PIGO: variants seen among roughly 807,000 people sequenced by gnomAD.
PIGO encodes phosphatidylinositol glycan anchor biosynthesis class O, also known as GPI ethanolamine phosphate transferase 3, catalytic subunit.
In PIGO, 66 loss-of-function variants were observed where a neutral mutation model predicts 86.9. The observed-to-expected ratio is 0.76, with a 90% CI of 0.62 to 0.93. PIGO has a LOEUF of 0.93. Among genes scored for constraint, PIGO ranks in the 40% least tolerant of loss-of-function variants. PIGO has a pLI of 0.00. For synonymous variants in PIGO, 570 were observed against 556.4 expected, an observed-to-expected ratio of 1.02 and a Z score of -0.34; for missense variants, 1,202 against 1,359.1, an observed-to-expected ratio of 0.88 and a Z score of 1.82.
intron 6 of PIGO, 75 bp downstream of exon 6, chr9:35,092,955 C>T: frequency 1.3e-6 from 2 of 1,506,490 alleles, no homozygotes; most frequent in Non-Finnish European, 1.8e-6. Flanking sequence ...AGTCAAAGGA[C>T]AAAAGAGTGG....
In PIGO at chr9:35,090,277, C is replaced by T. The variant is rs761568429; in HGVS notation, c.2858G>A (p.Gly953Asp). 1.9e-6 allele frequency: 3 copies of T among 1,613,190 alleles called. No homozygotes were observed. The highest frequency in any genetic ancestry group is 2.5e-6 in the Non-Finnish European group (3 of 1,179,386). ...TFASHLLFAV[G>D]CPLLLLWPFL... ...AGGCCAGAGCAGGAGCAGTGGGCAA[C>T]CTACTGCCTCAAGAGAGGGTATGGC... The change falls in exon 9 of 11, where the codon GGT becomes GAT. Residue 953 changes from glycine to aspartate, a missense_variant. Physicochemically the swap from Gly to Asp is moderately conservative, Grantham distance 94. Coordinates refer to ENST00000378617, the MANE Select transcript of PIGO (RefSeq NM_032634.4).
Position 35,095,476 on chromosome 9 carries a change from G to C in PIGO, c.90C>G (p.Leu30=). 6.2e-7 allele frequency: 1 copy of C among 1,613,470 alleles called. No individual in the cohort carries two copies. Among genetic ancestry groups the C allele is most frequent in the East Asian group, 2.2e-5 (1 of 44,870 alleles). ...GIALFTSGFL[L]TRLELTNHSS... ...TATGGTTGGTGAGCTCCAAACGGGT[G>C]AGCAGGAAGCCACTGGTGAAGAGGG... The change falls in exon 2 of 11, where the codon CTC becomes CTG. Residue 30 remains leucine, a synonymous_variant. Coordinates refer to ENST00000378617, the MANE Select transcript of PIGO (RefSeq NM_032634.4).
intron 8 of PIGO, 51 bp from the exon 9 acceptor site, chr9:35,090,331 C>T (rs781329027): frequency 1.3e-6 from 2 of 1,592,506 alleles, no homozygotes; most frequent in Admixed American, 3.4e-5. Flanking sequence ...CTGGCTGGCT[C>T]AGGTTCCAAT....
chr9:35,094,965 A>T (rs892953798), intron 2 of PIGO, 90 bp downstream of exon 2: 183 of 1,485,132 alleles, frequency 1.2e-4, no homozygotes, highest in Non-Finnish European at 1.6e-4. Flanking sequence ...TCAAGTGTGC[A>T]TCTGGGCACC....
chr9:35,095,534 G>A lies in PIGO; in HGVS notation c.32C>T (p.Ala11Val). 4 of 1,595,020 alleles carry A rather than the reference G, an allele frequency of 2.5e-6. No homozygotes were observed. The highest frequency in any genetic ancestry group is 3.4e-6 in the Non-Finnish European group (4 of 1,170,302). Residue 11 changes from alanine (A) to valine (V), a missense_variant, in exon 2 of 11, where the codon GCC (alanine) becomes GTC (valine). Physicochemically the swap from Ala to Val is moderately conservative, Grantham distance 64. Coordinates refer to ENST00000378617, the MANE Select transcript of PIGO (RefSeq NM_032634.4). MQKASVLLFL[A>V]WVCFLFYAGI... ...AGCGTAGAAGAGGAAGCAGACCCAG[G>A]CCAGGAAGAGCAACACTGAGGCTTT...
rs1386825877 is a variant in PIGO at position 35,092,293 on chromosome 9, C to A, written c.1594G>T (p.Gly532Cys). 1.9e-6 allele frequency: 3 copies of A among 1,614,226 alleles called. No homozygotes were observed. Among genetic ancestry groups the A allele is most frequent in the Non-Finnish European group, 2.5e-6 (3 of 1,180,042 alleles). The change falls in exon 7 of 11, where the codon GGC (glycine) becomes TGC (cysteine). Residue 532 changes from glycine to cysteine, a missense_variant. Gly to Cys is a radical substitution (Grantham distance 159, BLOSUM62 -3). Transcript: ENST00000378617. Reference protein sequence around the residue: ...FLPFLWKAWAGWGSKRPLATL... With the variant: ...FLPFLWKAWACWGSKRPLATL... ...GCCAGGGGCCTCTTGGACCCCCAGC[C>A]AGCCCAGGCTTTCCACAGAAAAGGG...
Position 35,095,442 on chromosome 9 carries a change from G to A in PIGO, c.124C>T (p.Gln42Ter). Residue 42 changes from glutamine to a stop codon, truncating the protein, a stop_gained, in exon 2 of 11, where the codon CAA becomes TAA. Coordinates refer to ENST00000378617, the MANE Select transcript of PIGO (RefSeq NM_032634.4). LOFTEE classifies it high-confidence loss of function. ...AGGGACCCAGGGCCTGGGGGCTCTT[G>A]GCAGCTGCTATGGTTGGTGAGCTCC... Reference protein sequence around the residue: ...RLELTNHSSCQEPPGPGSLPW... With the variant: ...RLELTNHSSC 6.2e-7 allele frequency: 1 copy of A among 1,614,028 alleles called. No homozygotes were observed.
rs746278417 is a variant in PIGO at position 35,092,563 on chromosome 9, A to G, written c.1324T>C (p.Ser442Pro). The G allele has an allele frequency of 6.2e-7, 1 of 1,614,120 alleles. No individual in the cohort carries two copies. Among genetic ancestry groups the G allele is most frequent in the Non-Finnish European group, 8.5e-7 (1 of 1,180,002 alleles). ...CGGACCAGAGAGAAACGAGCCCAAG[A>G]CTCGATGCACATGGCCCGAGCTCCC... ...LRGARAMCIESWARFSLVRMA... is the reference protein window; with the variant it reads ...LRGARAMCIEPWARFSLVRMA... Residue 442 changes from serine (S) to proline (P), a missense_variant, in exon 7 of 11, where the codon TCT (serine) becomes CCT (proline). Ser to Pro is a moderately conservative substitution (Grantham distance 74). Transcript: ENST00000378617.
chr9:35,090,755 T>C, intron 7 of PIGO, 83 bp from the exon 8 acceptor site: 2 of 1,312,398 alleles, frequency 1.5e-6, no homozygotes, highest in South Asian at 1.4e-5. Context: ...ATACTCCTAC[T>C]ACTTCAGTAT....
Position 35,095,364 on chromosome 9 carries a change from A to G in PIGO, c.202T>C (p.Ser68Pro). The change falls in exon 2 of 11, where the codon TCG becomes CCG. Residue 68 changes from serine to proline, a missense_variant. Coordinates refer to ENST00000378617, the MANE Select transcript of PIGO (RefSeq NM_032634.4). ...PGACWMASRF[S>P]RVVLVLIDAL... ...TCTATCAGCACCAACACAACCCGCG[A>G]AAATCGGGAAGCCATCCAGCAGGCC... 1.2e-6 allele frequency: 2 copies of G among 1,614,106 alleles called. No homozygotes were observed. The highest frequency in any genetic ancestry group is 1.7e-6 in the Non-Finnish European group (2 of 1,180,014).
In PIGO at chr9:35,091,971, T is replaced by C. The variant is rs1829444705; in HGVS notation, c.1916A>G (p.His639Arg). The C allele has an allele frequency of 6.2e-7, 1 of 1,614,020 alleles. No individual in the cohort carries two copies. Among genetic ancestry groups the C allele is most frequent in the Admixed American group, 1.7e-5 (1 of 60,010 alleles). The change falls in exon 7 of 11, where the codon CAT (histidine) becomes CGT (arginine). Residue 639 changes from histidine (H) to arginine (R), a missense_variant. Transcript: ENST00000378617. ...AACAGGTGTCTCTTCAGGGCAACGA[T>C]GAAAAAGCCCAGCTAGCCTTGTACA... ...LLCTRLAGLFHRCPEETPVCH... is the reference protein window; with the variant it reads ...LLCTRLAGLFRRCPEETPVCH...
chr9:35,089,558 C>G, intron 9 of PIGO, 108 bp from the exon 10 acceptor site: 2 of 1,548,248 alleles, frequency 1.3e-6, no homozygotes, highest in Non-Finnish European at 8.7e-7. Flanking sequence ...GAGAATAGTG[C>G]ATGTCAGTGG....
chr9:35,094,967 C>G, intron 2 of PIGO, 88 bp downstream of exon 2: 1 of 1,490,784 alleles, frequency 6.7e-7, no homozygotes, highest in Non-Finnish European at 9.0e-7. Context: ...AAGTGTGCAT[C>G]TGGGCACCCA....
Position 35,089,501 on chromosome 9 carries a change from G to A in PIGO, c.3070-51C>T, listed in dbSNP as rs10972310. On this transcript the variant is annotated intron_variant, in intron 9 of 10. Coordinates refer to ENST00000378617, the MANE Select transcript of PIGO (RefSeq NM_032634.4). ...TTACTTGTGAAGGAGAGGAGGAAGC[G>A]GAGCAAAAGGAGAGTTTCTATAGGC... 0.076 allele frequency: 122,212 copies of A among 1,611,416 alleles called. 10,292 individuals carry two copies. The highest frequency in any genetic ancestry group is 0.52 in the East Asian group (23,104 of 44,812).
chr9:35,089,302 TG>T, intron 10 of PIGO, 77 bp downstream of exon 10: 18 of 1,613,446 alleles, frequency 1.1e-5, no homozygotes, highest in Non-Finnish European at 1.5e-5. Context: ...TTGGCCATCC[TG>T]GATGTTTAGG....
rs1221803789 is a variant in PIGO at position 35,091,705 on chromosome 9, C to G, written c.2182G>C (p.Ala728Pro). 3.1e-6 allele frequency: 5 copies of G among 1,612,242 alleles called. No individual in the cohort carries two copies. The highest frequency in any genetic ancestry group is 2.5e-6 in the Non-Finnish European group (3 of 1,180,032). Residue 728 changes from alanine to proline, a missense_variant, in exon 7 of 11, where the codon GCT becomes CCT. Transcript: ENST00000378617. ...ACCAGGACCCGGAGACGGGGGGGAG[C>G]CTCATCTGCCCCCGACGCCAATGCC... ...YWALASGADE[A>P]PPRLRVLVSG...
In PIGO at chr9:35,091,783, G is replaced by A; in HGVS notation, c.2104C>T (p.Leu702Phe). Residue 702 changes from leucine to phenylalanine, a missense_variant, in exon 7 of 11, where the codon CTC (leucine) becomes TTC (phenylalanine). Coordinates refer to ENST00000378617, the MANE Select transcript of PIGO (RefSeq NM_032634.4). Reference sequence around the variant, plus strand: ...AGGGGCAGTCCCCAGCGCACAAAGAGCATGGGTGGCTCGGGGCTCTTGAGA... The same window carrying A: ...AGGGGCAGTCCCCAGCGCACAAAGAACATGGGTGGCTCGGGGCTCTTGAGA... ...GNLKSPEPPM[L>F]FVRWGLPLMA... The A allele has an allele frequency of 6.2e-7, 1 of 1,612,768 alleles. No homozygotes were observed.
chr9:35,094,278 G>A lies in PIGO; in HGVS notation c.593C>T (p.Ser198Phe), dbSNP rs1293504828. 1.2e-6 allele frequency: 2 copies of A among 1,608,064 alleles called. No homozygotes were observed. Among genetic ancestry groups the A allele is most frequent in the East Asian group, 2.2e-5 (1 of 44,852 alleles). ...TGTGTCTAGGTCTCTGACATTGAAG[G>A]ATGGGAAGAAGAAAGCTTTGGAGAA... Reference protein sequence around the residue: ...GAFSKAFFFPSFNVRDLDTVD... With the variant: ...GAFSKAFFFPFFNVRDLDTVD... Residue 198 changes from serine (S) to phenylalanine (F), a missense_variant, in exon 3 of 11, where the codon TCC becomes TTC. By Grantham distance (155) the Ser-to-Phe change is radical. Transcript: ENST00000378617.
chr9:35,090,496 T>G lies in PIGO; in HGVS notation c.2824A>C (p.Asn942His). 1 of 1,613,154 alleles carries G rather than the reference T, an allele frequency of 6.2e-7. No homozygotes were observed. ...TWLPALLVGANTFASHLLFAV... is the reference protein window; with the variant it reads ...TWLPALLVGAHTFASHLLFAV... Reference sequence around the variant, plus strand: ...AAGAGGAGGTGGGAGGCAAAGGTGTTGGCTCCCACTAGCAAAGCAGGCAGC... The same window carrying G: ...AAGAGGAGGTGGGAGGCAAAGGTGTGGGCTCCCACTAGCAAAGCAGGCAGC... The change falls in exon 8 of 11, where the codon AAC becomes CAC. Residue 942 changes from asparagine (N) to histidine (H), a missense_variant. Coordinates refer to ENST00000378617, the MANE Select transcript of PIGO (RefSeq NM_032634.4).
Sources: allele counts gnomAD v4.1 joint callset, GRCh38; gene constraint gnomAD v4.1.1; transcripts MANE v1.5; gene names NCBI Gene and HGNC (gene_info 2026-07-23, HGNC 2026-07-21).